The following BICC1 variants were observed in gnomAD, a reference collection of about 807,000 sequenced individuals.
BICC1 encodes BicC family RNA binding protein 1, also known as protein bicaudal C homolog 1.
In BICC1, 43 loss-of-function variants were observed where a neutral mutation model predicts 111.0. That is an observed-to-expected ratio of 0.39 (90% confidence interval 0.30 to 0.50). The LOEUF (loss-of-function observed/expected upper bound fraction) is 0.50. Among genes scored for constraint, BICC1 ranks in the 20% least tolerant of loss-of-function variants. BICC1 has a pLI of 0.88. For synonymous variants in BICC1, 467 were observed against 434.4 expected (o/e 1.07, Z -0.93); for missense variants, 1,091 against 1,203.2 (o/e 0.91, Z 1.38).
At chr10:58,592,298 G>T (rs994264163) in intron 1 of BICC1, among the ~76,000 whole-genome samples, 5 of 152,124 alleles carry the variant, frequency 3.3e-5, no homozygotes, top group Admixed American at 6.5e-5. Context: ...TTCTTGTTAG[G>T]GAGGCAGAGG....
intron 1 of BICC1, among the ~76,000 whole-genome samples, chr10:58,572,540 G>C (rs1248164616): frequency 6.6e-6 from 1 of 152,026 alleles, no homozygotes; most frequent in Non-Finnish European, 1.5e-5. Context: ...TTATTTTCAT[G>C]GGGATTTCAT....
At chr10:58,699,756 A>G (rs962499485) in intron 2 of BICC1, among the ~76,000 whole-genome samples, 4 of 151,808 alleles carry the variant, frequency 2.6e-5, no homozygotes, top group Admixed American at 6.6e-5. Flanking sequence ...ATGTGGTAGC[A>G]TGATCATTGC....
At chr10:58,530,583 T>C (rs1466126721) in intron 1 of BICC1, among the ~76,000 whole-genome samples, 1 of 151,184 alleles carries the variant, frequency 6.6e-6, no homozygotes, top group Non-Finnish European at 1.5e-5. Context: ...GGTTGATACC[T>C]ATGCCGAACT....
Position 58,580,425 on chromosome 10 carries a change from T to C in BICC1, c.191-40430T>C, listed in dbSNP as rs181835865. On this transcript the variant is annotated intron_variant, in intron 1 of 20. Transcript: ENST00000373886. ...AACTTTCTGATTGCTGACATGATGC[T>C]CAAAGGAAATGTTCATTGGAGCATT... Among the ~76,000 whole-genome samples, 7 of 152,270 alleles carry C rather than the reference T, an allele frequency of 4.6e-5. No homozygotes were observed. The East Asian group carries it at 1.4e-3, about 29-fold the overall frequency.
chr10:58,794,540 TC>T (rs778001031), intron 9 of BICC1, among the ~76,000 whole-genome samples: 3 of 151,836 alleles, frequency 2.0e-5, no homozygotes, highest in Non-Finnish European at 4.4e-5. Flanking sequence ...CACCTCAGCC[TC>T]CCGAGTAGCT....
chr10:58,540,863 C>T (rs1842954197), intron 1 of BICC1, among the ~76,000 whole-genome samples: 1 of 151,894 alleles, frequency 6.6e-6, no homozygotes, highest in Non-Finnish European at 1.5e-5. Context: ...TGCATTATGA[C>T]CAAGTGGGAT....
chr10:58,716,232 G>C (rs1840736230), intron 3 of BICC1: 1 of 1,497,594 alleles, frequency 6.7e-7, no homozygotes, highest in African/African-American at 1.4e-5. Context: ...AGAATAAGAA[G>C]CATAAGAAAC....
rs554724200 is a variant in BICC1, at chr10:58,642,119, A to C, written c.237+21218A>C. Reference sequence around the variant, plus strand: ...ACATTTAAGTGAATAGTAAATAGTTACTCTAAAGCTGGCATTTAGAATTAT... The same window carrying C: ...ACATTTAAGTGAATAGTAAATAGTTCCTCTAAAGCTGGCATTTAGAATTAT... On this transcript the variant is annotated intron_variant, in intron 2 of 20. Coordinates refer to ENST00000373886, the MANE Select transcript of BICC1 (RefSeq NM_001080512.3). 4.9e-3 allele frequency among the ~76,000 whole-genome samples: 742 copies of C among 152,292 alleles called. 2 individuals are homozygous for C. Among genetic ancestry groups the C allele is most frequent in the Non-Finnish European group, 7.7e-3 (526 of 68,020 alleles).
At chr10:58,788,482 C>G in intron 6 of BICC1, 59 bp downstream of exon 6, 1 of 1,147,616 alleles carries the variant, frequency 8.7e-7, no homozygotes, top group Admixed American at 1.8e-5. Flanking sequence ...CATTATAAGG[C>G]ACTAAAAATA....
chr10:58,579,696 C>T (rs1459660422), intron 1 of BICC1, among the ~76,000 whole-genome samples: 1 of 152,050 alleles, frequency 6.6e-6, no homozygotes, highest in East Asian at 1.9e-4. Flanking sequence ...TTTTTCTCTC[C>T]TACTGCTGAG....
chr10:58,827,995 T>G (rs1844449252), intron 20 of BICC1, among the ~76,000 whole-genome samples: 1 of 152,190 alleles, frequency 6.6e-6, no homozygotes, highest in Non-Finnish European at 1.5e-5. Context: ...CTCTTCCTAA[T>G]GATTATCTTA....
In BICC1 at chr10:58,565,427, C is replaced by T. The variant is rs144876396; in HGVS notation, c.190+52094C>T. ...CAGAGGAGCTGGTCAGTCAAATCTG[C>T]CAAAATTCTCTGCCTCTGTGTAGCC... On this transcript the variant is annotated intron_variant, in intron 1 of 20. Coordinates refer to ENST00000373886, the MANE Select transcript of BICC1 (RefSeq NM_001080512.3). Among the ~76,000 whole-genome samples, 845 of 152,186 alleles carry T rather than the reference C, an allele frequency of 5.6e-3. 7 individuals are homozygous for T. The highest frequency in any genetic ancestry group is 0.019 in the African/African-American group (805 of 41,522).
chr10:58,823,751 G>C, intron 20 of BICC1: 1 of 985,304 alleles, frequency 1.0e-6, no homozygotes, highest in Non-Finnish European at 1.2e-6. Flanking sequence ...AATGGAGGCC[G>C]AAGATAGTCC....
chr10:58,581,218 T>A (rs1185681873), intron 1 of BICC1, among the ~76,000 whole-genome samples: 2 of 152,304 alleles, frequency 1.3e-5, no homozygotes, highest in East Asian at 3.9e-4. Flanking sequence ...TGTTGAGGCC[T>A]CTTTTTAAAA....
chr10:58,575,620 G>A (rs1844089301), intron 1 of BICC1, among the ~76,000 whole-genome samples: 2 of 151,616 alleles, frequency 1.3e-5, no homozygotes, highest in South Asian at 2.1e-4. Context: ...ATAGGGTCTC[G>A]CTATGTTGGG....
At chr10:58,675,404 T>C (rs1472869412) in intron 2 of BICC1, among the ~76,000 whole-genome samples, 1 of 152,096 alleles carries the variant, frequency 6.6e-6, no homozygotes, top group Non-Finnish European at 1.5e-5. Flanking sequence ...AAAGAAATTG[T>C]GGTATATATA....
At chr10:58,804,653 G>A (rs539528846) in intron 15 of BICC1, among the ~76,000 whole-genome samples, 2 of 152,146 alleles carry the variant, frequency 1.3e-5, no homozygotes, top group Admixed American at 6.5e-5. Context: ...TTTTTGTCTT[G>A]TGGTTCTTGT....
intron 1 of BICC1, among the ~76,000 whole-genome samples, chr10:58,521,524 T>C (rs1041607403): frequency 6.6e-6 from 1 of 152,090 alleles, no homozygotes; most frequent in Non-Finnish European, 1.5e-5. Context: ...GCAAAATTAT[T>C]TTCTGGGAAG....
At chr10:58,828,580 C>T (rs1199339415) in intron 20 of BICC1, among the ~76,000 whole-genome samples, 181 bp from the exon 21 acceptor site, 2 of 152,148 alleles carry the variant, frequency 1.3e-5, no homozygotes, top group Non-Finnish European at 2.9e-5. Flanking sequence ...ATCTTTAATA[C>T]CATACTTTCT....
Sources: allele counts gnomAD v4.1 joint callset (sites outside exome capture counted in the v4.1 genomes callset), GRCh38; gene constraint gnomAD v4.1.1; transcripts MANE v1.5; gene names NCBI Gene and HGNC (gene_info 2026-07-23, HGNC 2026-07-21).